The following RTL9 variants were observed in gnomAD, a reference collection of about 807,000 sequenced individuals.
The protein encoded by RTL9 is retrotransposon Gag-like protein 9.
A neutral mutation model predicts 44.7 loss-of-function variants in RTL9; 19 were observed. The observed-to-expected ratio is 0.42, with a 90% CI of 0.30 to 0.62. The LOEUF (loss-of-function observed/expected upper bound fraction) is 0.62, where lower values mean the gene tolerates loss of function less well. Ranked by LOEUF, RTL9 falls within the 20% of genes least tolerant of loss-of-function variation. The pLI, the probability that RTL9 is intolerant of heterozygous loss-of-function variation, is 0.16. For synonymous variants in RTL9, 407 were observed against 398.9 expected, an observed-to-expected ratio of 1.02 and a Z score of -0.24; for missense variants, 1,105 against 1,080.6, an observed-to-expected ratio of 1.02 and a Z score of -0.32.
exon 1 of RTL9, chrX:110,451,991 A>G: frequency 8.3e-7 from 1 of 1,211,963 alleles, no homozygotes; most frequent in Non-Finnish European, 1.1e-6. Context: ...TGTCAGCCAC[A>G]GCCTCTAGAG....
intron 1 of RTL9, among the ~76,000 whole-genome samples, chrX:110,376,407 C>T (rs2068376800): frequency 9.0e-6 from 1 of 111,542 alleles, no homozygotes; most frequent in Non-Finnish European, 1.9e-5. Flanking sequence ...TGAGCTGATG[C>T]ACAGGACCAG....
chrX:110,365,393 C>T (rs778121540), intron 1 of RTL9, among the ~76,000 whole-genome samples: 1 of 112,354 alleles, frequency 8.9e-6, no homozygotes, highest in South Asian at 3.7e-4. Context: ...ATTTACAATT[C>T]CAGCCAATAA....
At chrX:110,444,749 G>A (rs1019787077) in intron 1 of RTL9, among the ~76,000 whole-genome samples, 4 of 112,237 alleles carry the variant, frequency 3.6e-5, no homozygotes, top group Non-Finnish European at 7.5e-5. Flanking sequence ...GTACCTCTAG[G>A]TACCTCCTAT....
rs187609318 is a variant in RTL9 at position 110,434,108 on chromosome X, G to A, written c.-167-11045G>A. Among the ~76,000 whole-genome samples, 14 of 111,888 alleles carry A rather than the reference G, an allele frequency of 1.3e-4. No homozygotes were observed. The East Asian group carries it at 3.9e-3, about 31-fold the overall frequency. ...GGTTATGTCAGGAGGAACAGTGGAGGCAGGGGAAGACATTCCAGGCAAAGT... is the reference window on the plus strand; with the variant it reads ...GGTTATGTCAGGAGGAACAGTGGAGACAGGGGAAGACATTCCAGGCAAAGT... On this transcript the variant is annotated intron_variant, in intron 1 of 3. Coordinates refer to the RTL9 transcript ENST00000465301.
chrX:110,427,219 A>G (rs1348509109), intron 1 of RTL9, among the ~76,000 whole-genome samples: 1 of 111,580 alleles, frequency 9.0e-6, no homozygotes, highest in African/African-American at 3.3e-5. Flanking sequence ...CTCTGTGACC[A>G]TTCTCCCCAA....
chrX:110,384,843 G>A (rs2068444213), intron 1 of RTL9, among the ~76,000 whole-genome samples: 1 of 110,673 alleles, frequency 9.0e-6, no homozygotes, highest in Non-Finnish European at 1.9e-5. Flanking sequence ...AGAATAAAGA[G>A]GTGCAAAACT....
intron 1 of RTL9, among the ~76,000 whole-genome samples, chrX:110,377,532 G>T (rs932198642): frequency 1.8e-5 from 2 of 111,592 alleles, no homozygotes; most frequent in African/African-American, 6.5e-5. Flanking sequence ...TAAAAGGCTC[G>T]AACTATTATG....
intron 1 of RTL9, among the ~76,000 whole-genome samples, chrX:110,392,817 C>T (rs1431722264): frequency 8.9e-6 from 1 of 111,896 alleles, no homozygotes. Context: ...ATATACTTTT[C>T]TTTGTGTTCC....
In RTL9 at chrX:110,391,319, C is replaced by T. The variant is rs1359092884; in HGVS notation, c.-168+32403C>T. Among the ~76,000 whole-genome samples, 5 of 111,962 alleles carry T rather than the reference C, an allele frequency of 4.5e-5. No homozygotes were observed. In the Admixed American group the frequency reaches 4.7e-4, roughly 11 times the overall value. ...CACATGGGCCCTGGACTGCTGAATTCATGGTCAAATCATTGTTTTCCCAAC... is the reference window on the plus strand; with the variant it reads ...CACATGGGCCCTGGACTGCTGAATTTATGGTCAAATCATTGTTTTCCCAAC... On this transcript the variant is annotated intron_variant, in intron 1 of 2. Coordinates refer to the RTL9 transcript ENST00000520821.
rs146542835 is a variant in RTL9, at chrX:110,386,848, A to C, written c.-168+27932A>C. Among the ~76,000 whole-genome samples the C allele has an allele frequency of 2.2e-4, 25 of 112,408 alleles. No individual in the cohort carries two copies. The East Asian group carries it at 6.9e-3, about 31-fold the overall frequency. The stretch of plus-strand genomic sequence containing the variant: ...TGTGGGGGAATAAGACCTAACCTCT[A>C]TTCTCAAAGAGCTTCATAACACAGA... On this transcript the variant is annotated intron_variant, in intron 1 of 2. Transcript: ENST00000520821.
intron 2 of RTL9, 94 bp downstream of exon 2, chrX:110,445,362 A>G (rs1000164254): frequency 3.6e-5 from 4 of 112,639 alleles, no homozygotes; most frequent in African/African-American, 9.7e-5. Context: ...TTATCGTTCA[A>G]TAAATAAGAT....
intron 1 of RTL9, among the ~76,000 whole-genome samples, chrX:110,365,116 A>T (rs1206866217): frequency 8.9e-6 from 1 of 111,808 alleles, no homozygotes; most frequent in East Asian, 2.8e-4. Flanking sequence ...ATTCCCAGGG[A>T]TGTCTTTCTC....
chrX:110,449,821 A>G (rs775223537), upstream of RTL9, among the ~76,000 whole-genome samples: 3 of 112,177 alleles, frequency 2.7e-5, no homozygotes, highest in South Asian at 7.5e-4. Flanking sequence ...GGGGATAATA[A>G]TATCTATTGC....
At chrX:110,409,022 G>C (rs1264245805) in intron 1 of RTL9, among the ~76,000 whole-genome samples, 1 of 111,794 alleles carries the variant, frequency 8.9e-6, no homozygotes, top group African/African-American at 3.3e-5. Flanking sequence ...CACTGTGCTA[G>C]CCTGATGGCT....
rs1013042719 is a variant in RTL9 at position 110,384,996 on chromosome X, G to A, written c.-168+26080G>A. Reference sequence around the variant, plus strand: ...TCTGTGCAGAGAAGACACTTTGAAAGCCTAAGACTATCATAGTTCCAGCAG... The same window carrying A: ...TCTGTGCAGAGAAGACACTTTGAAAACCTAAGACTATCATAGTTCCAGCAG... On this transcript the variant is annotated intron_variant, in intron 1 of 2. Coordinates refer to the RTL9 transcript ENST00000520821. 2.7e-5 allele frequency among the ~76,000 whole-genome samples: 3 copies of A among 110,655 alleles called. No homozygotes were observed. The Admixed American group carries it at 2.9e-4, about 11-fold the overall frequency.
rs957424753 is a variant in RTL9 at position 110,425,975 on chromosome X, T to C, written c.-168+6840T>C. ...AGGATTTATAAGTTTAGTGCGTGCG[T>C]GCGCGCACACACACACACACACAAA... On this transcript the variant is annotated intron_variant, in intron 1 of 3. Coordinates refer to the RTL9 transcript ENST00000465301. 4.5e-5 allele frequency among the ~76,000 whole-genome samples: 5 copies of C among 110,027 alleles called. No individual in the cohort carries two copies. In the East Asian group the frequency reaches 1.1e-3, roughly 25 times the overall value.
At chrX:110,397,320 T>C (rs1467850207) in intron 1 of RTL9, among the ~76,000 whole-genome samples, 1 of 111,396 alleles carries the variant, frequency 9.0e-6, no homozygotes, top group East Asian at 2.8e-4. Flanking sequence ...AAAGAAGGAA[T>C]CATTGCTGTT....
chrX:110,416,508 T>C (rs1453660028), upstream of RTL9, among the ~76,000 whole-genome samples: 2 of 110,855 alleles, frequency 1.8e-5, no homozygotes, highest in Non-Finnish European at 3.8e-5. Context: ...CCGGGGTCAC[T>C]CAGGCTAGCA....
chrX:110,369,005 A>G (rs1569416086), intron 1 of RTL9, among the ~76,000 whole-genome samples: 1 of 111,701 alleles, frequency 9.0e-6, no homozygotes, highest in Non-Finnish European at 1.9e-5. Flanking sequence ...TTCTTAAGCA[A>G]AGTGCTCCAT....
Sources: gnomAD v4.1 joint callset for allele counts (sites outside exome capture counted in the v4.1 genomes callset) on GRCh38, gnomAD v4.1.1 for gene constraint, MANE v1.5 for transcripts, NCBI Gene and HGNC (gene_info 2026-07-23, HGNC 2026-07-21) for gene names.